Variants in KANK4 observed in about 807,000 individuals in gnomAD.
The protein encoded by KANK4 is KN motif and ankyrin repeat domain-containing protein 4.
Under a neutral mutation model 80.8 loss-of-function variants are expected in KANK4, and 50 were observed. The observed-to-expected ratio is 0.62, with a 90% CI of 0.49 to 0.78. KANK4 has a LOEUF of 0.78. KANK4 is among the 30% of genes least tolerant of loss of function. The probability of loss-of-function intolerance (pLI) is 0.00; values close to 1 mark genes in which losing one functional copy is unlikely to be tolerated. For missense variants in KANK4, 1,196 were observed against 1,240.1 expected (o/e 0.96, Z 0.53); for synonymous variants, 465 against 506.9 (o/e 0.92, Z 1.11).
chr1:62,281,405 T>C, intron 2 of KANK4, 144 bp downstream of exon 2: 1 of 983,012 alleles, frequency 1.0e-6, no homozygotes, highest in South Asian at 1.3e-5. Flanking sequence ...AAATCTGAAA[T>C]ACATGCTTGA....
At chr1:62,292,629 C>G (rs1557501920) in intron 1 of KANK4, among the ~76,000 whole-genome samples, 1 of 152,170 alleles carries the variant, frequency 6.6e-6, no homozygotes, top group African/African-American at 2.4e-5. Flanking sequence ...ACTATAAAAG[C>G]CTTCCTCCAA....
At chr1:62,313,787 A>C (rs1644517033) in intron 1 of KANK4, among the ~76,000 whole-genome samples, 1 of 152,192 alleles carries the variant, frequency 6.6e-6, no homozygotes, top group African/African-American at 2.4e-5. Flanking sequence ...TGATAGGTGC[A>C]GCAAACCACC....
At chr1:62,263,461 G>GT in intron 6 of KANK4, 150 bp from the exon 7 acceptor site, 1 of 682,696 alleles carries the variant, frequency 1.5e-6, no homozygotes, top group South Asian at 1.7e-5. Flanking sequence ...AGCTGGTGGG[G>GT]TTAGGAATGC....
intron 4 of KANK4, 93 bp from the exon 5 acceptor site, chr1:62,268,598 C>T: frequency 1.1e-6 from 1 of 941,010 alleles, no homozygotes; most frequent in South Asian, 1.4e-5. Context: ...GGGTAACACT[C>T]CGCAGCTTGC....
chr1:62,238,415 C>A (rs753644289), intron 9 of KANK4, 34 bp from the exon 10 acceptor site: 1 of 1,585,382 alleles, frequency 6.3e-7, no homozygotes, highest in South Asian at 1.1e-5. Context: ...AAATAAATAT[C>A]ATCCAATCTG....
rs144210732 is a variant in KANK4, at chr1:62,306,657, C to T, written c.-71+12449G>A. 7.1e-3 allele frequency among the ~76,000 whole-genome samples: 1,072 copies of T among 152,022 alleles called. 10 individuals are homozygous for T. Among genetic ancestry groups the T allele is most frequent in the South Asian group, 0.01 (50 of 4,810 alleles). ...GCAGTGGCATGATCATAACTCATTACCTCTATATATTTTTCAATGTTTGCT... is the reference window on the plus strand; with the variant it reads ...GCAGTGGCATGATCATAACTCATTATCTCTATATATTTTTCAATGTTTGCT... On this transcript the variant is annotated intron_variant, in intron 1 of 9. Coordinates refer to ENST00000371153, the MANE Select transcript of KANK4 (RefSeq NM_181712.5).
intron 1 of KANK4, among the ~76,000 whole-genome samples, chr1:62,308,721 G>A (rs1398277197): frequency 1.3e-5 from 2 of 152,160 alleles, no homozygotes; most frequent in Non-Finnish European, 2.9e-5. Context: ...TCAAGCCAGG[G>A]AGGGAACACC....
At chr1:62,306,630 G>A (rs1252245100) in intron 1 of KANK4, among the ~76,000 whole-genome samples, 1 of 151,982 alleles carries the variant, frequency 6.6e-6, no homozygotes. Context: ...TCAGGCAGAG[G>A]TGCAGTGGCA....
At chr1:62,301,984 C>A (rs1348834545) in intron 1 of KANK4, among the ~76,000 whole-genome samples, 1 of 151,926 alleles carries the variant, frequency 6.6e-6, no homozygotes, top group Admixed American at 6.5e-5. Flanking sequence ...GACAGTCATG[C>A]ATGGGGAACA....
At chr1:62,262,208 A>G (rs1048449487) in intron 7 of KANK4, among the ~76,000 whole-genome samples, 2 of 152,258 alleles carry the variant, frequency 1.3e-5, no homozygotes, top group African/African-American at 4.8e-5. Context: ...GGAGGTGGAC[A>G]GAGTACAAAA....
intron 8 of KANK4, among the ~76,000 whole-genome samples, chr1:62,248,539 GT>G (rs1330661113): frequency 4.5e-5 from 4 of 88,250 alleles, no homozygotes; most frequent in African/African-American, 1.7e-4. Context: ...TACCTGGTTA[GT>G]TTTTTTGTTT....
intron 8 of KANK4, among the ~76,000 whole-genome samples, chr1:62,248,377 CT>C (rs555727301): frequency 1.1e-4 from 17 of 151,688 alleles, no homozygotes; most frequent in Non-Finnish European, 2.2e-4. Context: ...TTTTTCTTTT[CT>C]TTTTTTTGAA....
At chr1:62,317,524 T>C (rs753893324) in intron 1 of KANK4, among the ~76,000 whole-genome samples, 5 of 152,184 alleles carry the variant, frequency 3.3e-5, no homozygotes, top group Non-Finnish European at 7.3e-5. Context: ...GACCAGTCAA[T>C]GGGATGCACA....
At chr1:62,278,115 G>C (rs1231509216) in intron 2 of KANK4, among the ~76,000 whole-genome samples, 3 of 152,040 alleles carry the variant, frequency 2.0e-5, no homozygotes, top group Admixed American at 6.6e-5. Context: ...GTCACTGAAG[G>C]GTTTTAAACA....
chr1:62,264,052 G>C (rs1474145117), intron 6 of KANK4, among the ~76,000 whole-genome samples: 1 of 152,176 alleles, frequency 6.6e-6, no homozygotes, highest in Non-Finnish European at 1.5e-5. Flanking sequence ...AAATGATTAT[G>C]ATAAATGATT....
chr1:62,273,799 G>A lies in KANK4; in HGVS notation c.1305C>T (p.Asn435=). 2 of 1,614,122 alleles carry A rather than the reference G, an allele frequency of 1.2e-6. No homozygotes were observed. Among genetic ancestry groups the A allele is most frequent in the Non-Finnish European group, 1.7e-6 (2 of 1,180,018 alleles). ...TTTCAGACTCCATGCTGCCTAGAAG[G>A]TTGACTTCAATGCCCTTATCACACG... is the stretch of plus-strand genomic sequence containing the variant. ...RESCDKGIEV[N]LLGSMESESW... The change falls in exon 3 of 10, where the codon AAC becomes AAT. Residue 435 remains asparagine, a synonymous_variant. Transcript: ENST00000371153.
Position 62,315,940 on chromosome 1 carries a change from C to T in KANK4, c.-71+3166G>A, listed in dbSNP as rs1644535211. On this transcript the variant is annotated intron_variant, in intron 1 of 9. Transcript: ENST00000371153. ...CTTGTAAACTGGAATCAGCACGGGT[C>T]CTGGCACAGAGCAGAGGCTCAATGC... Among the ~76,000 whole-genome samples the T allele has an allele frequency of 3.9e-5, 6 of 152,318 alleles. No homozygotes were observed. The South Asian group carries it at 1.2e-3, about 32-fold the overall frequency.
chr1:62,282,602 G>A (rs1002080032), intron 1 of KANK4, among the ~76,000 whole-genome samples: 31 of 152,236 alleles, frequency 2.0e-4, no homozygotes, highest in African/African-American at 7.2e-4. Flanking sequence ...GGAAAAAAGG[G>A]GACAAACAAG....
At chr1:62,316,180 C>T (rs1403596715) in intron 1 of KANK4, among the ~76,000 whole-genome samples, 1 of 152,246 alleles carries the variant, frequency 6.6e-6, no homozygotes, top group Admixed American at 6.5e-5. Flanking sequence ...ATGGCCCAAT[C>T]CAGGACCCAG....
Sources: allele counts gnomAD v4.1 joint callset (sites outside exome capture counted in the v4.1 genomes callset), GRCh38; gene constraint gnomAD v4.1.1; transcripts MANE v1.5; gene names NCBI Gene and HGNC (gene_info 2026-07-23, HGNC 2026-07-21).